Variants in SPNS2 observed in about 807,000 individuals in gnomAD.
SPNS2 encodes the protein sphingosine-1-phosphate transporter SPNS2.
A neutral mutation model predicts 57.6 loss-of-function variants in SPNS2; 37 were observed. That is an observed-to-expected ratio of 0.64 (90% CI 0.49 to 0.85). SPNS2 has a LOEUF of 0.85. SPNS2 is among the 40% of genes least tolerant of loss of function. The pLI, the probability that SPNS2 is intolerant of heterozygous loss-of-function variation, is 0.00. For missense variants in SPNS2, 831 were observed against 779.1 expected (o/e 1.07, Z -0.79); for synonymous variants, 440 against 346.9 (o/e 1.27, Z -2.98).
Position 4,512,645 on chromosome 17 carries a change from C to T in SPNS2, c.371-602C>T, listed in dbSNP as rs1245329007. Reference sequence around the variant, plus strand: ...GCTGGGGTGACAGTGTGTGTGTGTGCGTGCGCGCGCACGGGTATGTGTGTG... The same window carrying T: ...GCTGGGGTGACAGTGTGTGTGTGTGTGTGCGCGCGCACGGGTATGTGTGTG... On this transcript the variant is annotated intron_variant, in intron 1 of 12. Coordinates refer to ENST00000329078, the MANE Select transcript of SPNS2 (RefSeq NM_001124758.3). This position sits in a 1 kb window ranked among gnomAD's most constrained non-coding sequence, Gnocchi z 5.2. 2.0e-5 allele frequency among the ~76,000 whole-genome samples: 3 copies of T among 149,876 alleles called. No individual in the cohort carries two copies. The highest frequency in any genetic ancestry group is 6.6e-5 in the Admixed American group (1 of 15,210).
intron 11 of SPNS2, 156 bp from the exon 12 acceptor site, chr17:4,536,744 C>A: frequency 1.5e-6 from 1 of 688,704 alleles, no homozygotes. Flanking sequence ...TCTCTCCTCT[C>A]CCCACCCCTG....
intron 3 of SPNS2, among the ~76,000 whole-genome samples, chr17:4,526,003 G>T (rs182513566): frequency 6.6e-6 from 1 of 152,326 alleles, no homozygotes; most frequent in East Asian, 1.9e-4. Context: ...AGGAAGAAGG[G>T]GAGAGCATGA....
intron 2 of SPNS2, among the ~76,000 whole-genome samples, chr17:4,521,181 C>T (rs989460939): frequency 6.6e-6 from 1 of 152,150 alleles, no homozygotes; most frequent in Non-Finnish European, 1.5e-5. Context: ...ACAAGATCTG[C>T]CCCTGGCCAG....
Position 4,536,364 on chromosome 17 carries a change from C to CGGCAT in SPNS2, c.1547_1551dup (p.Phe518AlafsTer22), listed in dbSNP as rs1567597937. On this transcript the variant is annotated frameshift_variant, in exon 11 of 13. Coordinates refer to ENST00000329078, the MANE Select transcript of SPNS2 (RefSeq NM_001124758.3). LOFTEE classifies it high-confidence loss of function. ...TCTGCCCTTTCGTCGTGGTCCTGGGCGGCATGTTCTTCCTCGCCACTGCGC... is the reference window on the plus strand; with the variant it reads ...TCTGCCCTTTCGTCGTGGTCCTGGGCGGCATGGCATGTTCTTCCTCGCCACTGCGC... The CGGCAT allele has an allele frequency of 6.2e-7, 1 of 1,610,046 alleles. No homozygotes were observed. Among genetic ancestry groups the CGGCAT allele is most frequent in the Non-Finnish European group, 8.5e-7 (1 of 1,179,914 alleles).
intron 2 of SPNS2, among the ~76,000 whole-genome samples, chr17:4,515,421 G>T (rs1597362199): frequency 6.6e-6 from 1 of 152,184 alleles, no homozygotes; most frequent in Non-Finnish European, 1.5e-5. Flanking sequence ...CATAGGCTGG[G>T]GGGGAGCCTG....
Position 4,533,430 on chromosome 17 carries a change from T to C in SPNS2, c.1276T>C (p.Tyr426His), listed in dbSNP as rs770659078. 63 of 1,598,082 alleles carry C rather than the reference T, an allele frequency of 3.9e-5. No homozygotes were observed. The highest frequency in any genetic ancestry group is 5.1e-5 in the Non-Finnish European group (60 of 1,172,404). Residue 426 changes from tyrosine to histidine, a missense_variant and splice_region_variant, in exon 8 of 13, where the codon TAT becomes CAT. Physicochemically the swap from Tyr to His is moderately conservative, Grantham distance 83 (BLOSUM62 2). Transcript: ENST00000329078. ...VAAKSSIVGA[Y>H]ICIFVGETLL... ...TGCCAAGAGCAGCATCGTAGGAGCC[T>C]ATGTGAGTGCAGCGGGGGTCAAGGG...
intron 3 of SPNS2, among the ~76,000 whole-genome samples, chr17:4,529,067 C>T (rs542594785): frequency 2.6e-5 from 4 of 151,916 alleles, no homozygotes; most frequent in African/African-American, 9.7e-5. Flanking sequence ...TCTCCAGTAG[C>T]TGGGATCACA....
intron 2 of SPNS2, among the ~76,000 whole-genome samples, chr17:4,522,408 C>T (rs1905162034): frequency 6.6e-6 from 1 of 152,110 alleles, no homozygotes; most frequent in Non-Finnish European, 1.5e-5. Flanking sequence ...GCTGATTCTC[C>T]CCAAGGCCTC....
intron 1 of SPNS2, among the ~76,000 whole-genome samples, chr17:4,500,806 C>T (rs978034192): frequency 6.6e-6 from 1 of 152,002 alleles, no homozygotes; most frequent in African/African-American, 2.4e-5. Context: ...CCCCCTCCCC[C>T]CATTCCTGCT....
In SPNS2 at chr17:4,499,513, C is replaced by A; in HGVS notation, c.370+96C>A. 1.3e-6 allele frequency: 1 copy of A among 753,480 alleles called. No homozygotes were observed. Among genetic ancestry groups the A allele is most frequent in the Non-Finnish European group, 1.9e-6 (1 of 524,098 alleles). The allele number at this position is 753,480 out of a possible 1,614,324, so 46.7% of individuals were successfully genotyped here. The stretch of plus-strand genomic sequence containing the variant: ...ACCCCAGAGAGCTTTTGGTCTCAGG[C>A]CTGCTATCTCCAGGCCCTACGTGAG... On this transcript the variant is annotated intron_variant, in intron 1 of 12. Transcript: ENST00000329078. The surrounding 1 kb of genome is among the most constrained non-coding windows in gnomAD (Gnocchi z 5.2).
intron 11 of SPNS2, chr17:4,536,638 T>G (rs1379763589): frequency 1.4e-6 from 1 of 696,314 alleles, no homozygotes; most frequent in African/African-American, 1.8e-5. Flanking sequence ...GGATCCAGAC[T>G]TGGGTTTGTC....
chr17:4,500,298 C>A (rs1567585621), intron 1 of SPNS2, among the ~76,000 whole-genome samples: 2 of 152,198 alleles, frequency 1.3e-5, no homozygotes, highest in East Asian at 3.9e-4. Context: ...GTCTGTTTGC[C>A]CGTTTGTGAG....
intron 1 of SPNS2, among the ~76,000 whole-genome samples, chr17:4,505,828 C>T (rs980239917): frequency 3.3e-5 from 5 of 152,180 alleles, no homozygotes; most frequent in East Asian, 3.8e-4. Flanking sequence ...TCCTGCCTCC[C>T]GCTTTCCTCT....
rs139667349 is a variant in SPNS2, at chr17:4,531,337, C to T, written c.792+218C>T. ...GTCAGAGCCAGACACAGCCCCGCCG[C>T]CCTCGGGGCCCCCAGGCTGAGGGTT... On this transcript the variant is annotated intron_variant, in intron 5 of 12. Transcript: ENST00000329078. 3.9e-5 allele frequency among the ~76,000 whole-genome samples: 6 copies of T among 152,214 alleles called. No individual in the cohort carries two copies. In the South Asian group the frequency reaches 1.2e-3, roughly 32 times the overall value.
At chr17:4,508,262 C>T (rs1330320257) in intron 1 of SPNS2, among the ~76,000 whole-genome samples, 1 of 152,168 alleles carries the variant, frequency 6.6e-6, no homozygotes, top group African/African-American at 2.4e-5. Context: ...CAGGGCTGGG[C>T]GGCCTACAGC....
intron 3 of SPNS2, among the ~76,000 whole-genome samples, chr17:4,525,747 C>A (rs56181316): frequency 0.14 from 20,890 of 152,234 alleles, 1,556 homozygotes; most frequent in Non-Finnish European, 0.16. Context: ...AACTTAATGT[C>A]TCTGAGCCTC....
intron 2 of SPNS2, among the ~76,000 whole-genome samples, chr17:4,519,405 C>G (rs1905080684): frequency 6.6e-6 from 1 of 152,198 alleles, no homozygotes. Context: ...GTTCTGAGCT[C>G]TGGGCTGCCG....
intron 2 of SPNS2, among the ~76,000 whole-genome samples, chr17:4,522,716 G>A (rs1030776974): frequency 1.3e-5 from 2 of 152,214 alleles, no homozygotes; most frequent in Non-Finnish European, 2.9e-5. Flanking sequence ...GCCTTTGTCT[G>A]GCCATCTGCC....
Position 4,511,217 on chromosome 17 carries a change from G to A in SPNS2, c.371-2030G>A, listed in dbSNP as rs970806215. Among the ~76,000 whole-genome samples the A allele has an allele frequency of 6.6e-6, 1 of 152,188 alleles. No individual in the cohort carries two copies. Among genetic ancestry groups the A allele is most frequent in the Non-Finnish European group, 1.5e-5 (1 of 68,036 alleles). ...GAGTTTGGACAGGGGAAGAGTGGGG[G>A]CAACTAACTTATTGAGGGTGGTGGG... is the stretch of plus-strand genomic sequence containing the variant. On this transcript the variant is annotated intron_variant, in intron 1 of 12. Transcript: ENST00000329078. This position sits in a 1 kb window ranked among gnomAD's most constrained non-coding sequence, Gnocchi z 4.6.
Sources: allele counts gnomAD v4.1 joint callset (sites outside exome capture counted in the v4.1 genomes callset), GRCh38; gene constraint gnomAD v4.1.1; non-coding constraint Gnocchi (gnomAD v3.1); transcripts MANE v1.5; gene names NCBI Gene and HGNC (gene_info 2026-07-23, HGNC 2026-07-21).